The following PCDHGB2 variants were observed in gnomAD, a reference collection of about 807,000 sequenced individuals.
PCDHGB2 encodes protocadherin gamma subfamily B, 2, also known as protocadherin gamma-B2.
In PCDHGB2, 55 loss-of-function variants were observed where a neutral mutation model predicts 59.3. That is an observed-to-expected ratio of 0.93 (90% confidence interval 0.75 to 1.16). The LOEUF (loss-of-function observed/expected upper bound fraction) is 1.16, where lower values mean the gene tolerates loss of function less well. PCDHGB2 is among the 50% of genes most tolerant of loss of function. The pLI is 0.00. For synonymous variants in PCDHGB2, 516 were observed against 512.0 expected (o/e 1.01, Z -0.11); for missense variants, 1,228 against 1,198.5 (o/e 1.02, Z -0.36).
In PCDHGB2 at chr5:141,412,947, C is replaced by T. The variant is rs930035804; in HGVS notation, c.2421+50391C>T. On this transcript the variant is annotated intron_variant, in intron 1 of 3. Coordinates refer to ENST00000522605, the MANE Select transcript of PCDHGB2 (RefSeq NM_018923.3). ...AGTAACTTCTTAGGACTCTGAGCGC[C>T]GCTGTTCACCTACTAGGAGAGAAAA... is the stretch of plus-strand genomic sequence containing the variant. The T allele has an allele frequency of 2.3e-5, 11 of 475,008 alleles. No individual in the cohort carries two copies. The Middle Eastern group carries it at 2.2e-3, about 94-fold the overall frequency. 29.4% of individuals were successfully genotyped at this position (475,008 alleles called of 1,614,324 possible). A position where few individuals can be genotyped will look rare whatever the true frequency, so the allele number is the denominator to read the frequency against.
chr5:141,367,678 G>A (rs1215387701), intron 1 of PCDHGB2: 1 of 152,144 alleles, frequency 6.6e-6, no homozygotes, highest in Non-Finnish European at 1.5e-5. Context: ...GGCTTGTTGA[G>A]AGAAGAAATC....
intron 2 of PCDHGB2, among the ~76,000 whole-genome samples, chr5:141,501,530 G>A (rs556760554): frequency 3.5e-4 from 53 of 151,998 alleles, no homozygotes; most frequent in Admixed American, 2.2e-3. Context: ...AGCCCAGTAC[G>A]TTGTTGTGCA....
In PCDHGB2 at chr5:141,372,495, G is replaced by A. The variant is rs770848334; in HGVS notation, c.2421+9939G>A. On this transcript the variant is annotated intron_variant, in intron 1 of 3. Transcript: ENST00000522605. The stretch of plus-strand genomic sequence containing the variant: ...AGTAGTGGCGTTGGCCTTGATCTCA[G>A]TGCTCTTCCTCCTCGCGGTGATTCT... 2.0e-5 allele frequency: 32 copies of A among 1,613,936 alleles called. No individual in the cohort carries two copies. Among genetic ancestry groups the A allele is most frequent in the Non-Finnish European group, 2.6e-5 (31 of 1,179,902 alleles).
At chr5:141,424,982 G>T (rs2096852076) in intron 1 of PCDHGB2, among the ~76,000 whole-genome samples, 1 of 152,106 alleles carries the variant, frequency 6.6e-6, no homozygotes, top group South Asian at 2.1e-4. Context: ...GGATATTTAT[G>T]TTCCCTTTCA....
At chr5:141,371,417 T>C in intron 1 of PCDHGB2, 3 of 1,613,948 alleles carry the variant, frequency 1.9e-6, no homozygotes, top group Middle Eastern at 1.6e-4. Context: ...CAGATGAAAA[T>C]GACAATGCCC....
At chr5:141,455,984 G>A (rs1405675950) in intron 1 of PCDHGB2, among the ~76,000 whole-genome samples, 2 of 151,492 alleles carry the variant, frequency 1.3e-5, no homozygotes, top group East Asian at 1.9e-4. Context: ...TGCAAGCTCC[G>A]CCTCTCGGGT....
intron 1 of PCDHGB2, chr5:141,372,944 T>C: frequency 5.1e-6 from 4 of 788,876 alleles, no homozygotes; most frequent in Non-Finnish European, 7.7e-6. Context: ...GTAGGGTGTC[T>C]AGGAAATTCT....
chr5:141,360,825 C>T lies in PCDHGB2; in HGVS notation c.690C>T (p.Ile230=). The part of the protein sequence containing the change: ...PPQSGTTQIR[I]KVTDANDNPP... The stretch of plus-strand genomic sequence containing the variant: ...AAAGTGGCACGACCCAAATCCGAAT[C>T]AAAGTCACGGATGCCAACGATAACC... Residue 230 remains isoleucine, a synonymous_variant, in exon 1 of 4, where the codon ATC becomes ATT. Transcript: ENST00000522605. The T allele has an allele frequency of 6.2e-7, 1 of 1,613,960 alleles. No individual in the cohort carries two copies. Among genetic ancestry groups the T allele is most frequent in the South Asian group, 1.1e-5 (1 of 91,078 alleles).
chr5:141,484,897 A>G (rs2099602925), intron 1 of PCDHGB2: 2 of 392,698 alleles, frequency 5.1e-6, no homozygotes, highest in Middle Eastern at 7.1e-4. Flanking sequence ...TTTCCCCTCC[A>G]ATGCTGCGAC....
intron 1 of PCDHGB2, among the ~76,000 whole-genome samples, chr5:141,401,408 A>G (rs943963302): frequency 6.6e-6 from 1 of 152,200 alleles, no homozygotes; most frequent in Non-Finnish European, 1.5e-5. Flanking sequence ...TATGAGAGAG[A>G]AAGAGAGAGA....
chr5:141,421,597 AT>A (rs2096587022), intron 1 of PCDHGB2: 1 of 1,613,878 alleles, frequency 6.2e-7, no homozygotes, highest in Non-Finnish European at 8.5e-7. Flanking sequence ...GGAGGTGGAA[AT>A]AATAGATATT....
At chr5:141,413,804 C>G in intron 1 of PCDHGB2, 1 of 1,613,194 alleles carries the variant, frequency 6.2e-7, no homozygotes, top group Non-Finnish European at 8.5e-7. Context: ...GAGGAAGAGG[C>G]CATTCACCAC....
chr5:141,477,719 T>C lies in PCDHGB2; in HGVS notation c.2422-17088T>C. 6.2e-7 allele frequency: 1 copy of C among 1,613,876 alleles called. No individual in the cohort carries two copies. Among genetic ancestry groups the C allele is most frequent in the Non-Finnish European group, 8.5e-7 (1 of 1,180,028 alleles). ...CTATGAGGATCGGCGGGAATTTGAA[T>C]TAACAGCTCATATCAGCGATGGGGG... On this transcript the variant is annotated intron_variant, in intron 1 of 3. Transcript: ENST00000522605. The surrounding 1 kb of genome is among the most constrained non-coding windows in gnomAD (Gnocchi z 4.9).
chr5:141,360,849 C>T lies in PCDHGB2; in HGVS notation c.714C>T (p.Asn238=), dbSNP rs1761771921. ...TCAAAGTCACGGATGCCAACGATAA[C>T]CCTCCAGTGTTCAGCCAGGACGTGT... ...IRIKVTDAND[N]PPVFSQDVYR... is the part of the protein sequence containing the mutation. The change falls in exon 1 of 4, where the codon AAC becomes AAT. Residue 238 remains asparagine (N), a synonymous_variant. Coordinates refer to ENST00000522605, the MANE Select transcript of PCDHGB2 (RefSeq NM_018923.3). The T allele has an allele frequency of 1.2e-6, 2 of 1,613,872 alleles. No homozygotes were observed. Among genetic ancestry groups the T allele is most frequent in the African/African-American group, 2.7e-5 (2 of 74,914 alleles).
At chr5:141,443,759 A>G (rs1055796439) in intron 1 of PCDHGB2, among the ~76,000 whole-genome samples, 2 of 152,228 alleles carry the variant, frequency 1.3e-5, no homozygotes, top group African/African-American at 2.4e-5. Flanking sequence ...GAAGCTTACA[A>G]TATACAATAT....
At chr5:141,457,878 C>A (rs1263626843) in intron 1 of PCDHGB2, among the ~76,000 whole-genome samples, 1 of 152,190 alleles carries the variant, frequency 6.6e-6, no homozygotes, top group East Asian at 1.9e-4. Context: ...GGTTAGGAAC[C>A]CTGTGTGGGG....
chr5:141,434,870 C>G (rs1263324193), intron 1 of PCDHGB2, among the ~76,000 whole-genome samples: 3 of 151,726 alleles, frequency 2.0e-5, no homozygotes, highest in Non-Finnish European at 1.5e-5. Flanking sequence ...ATATATGTGA[C>G]AGATACCAAC....
chr5:141,371,047 G>A, intron 1 of PCDHGB2: 1 of 1,613,990 alleles, frequency 6.2e-7, no homozygotes. Flanking sequence ...GTGGATGGGG[G>A]CGAGCCCTCC....
intron 1 of PCDHGB2, among the ~76,000 whole-genome samples, chr5:141,448,001 G>A (rs143950707): frequency 0.046 from 7,030 of 151,928 alleles, 245 homozygotes; most frequent in African/African-American, 0.093. Context: ...CATGAGAATC[G>A]CTTGAACCCA....
Sources: gnomAD v4.1 joint callset for allele counts (sites outside exome capture counted in the v4.1 genomes callset) on GRCh38, gnomAD v4.1.1 for gene constraint, Gnocchi (gnomAD v3.1) non-coding constraint, MANE v1.5 for transcripts, NCBI Gene and HGNC (gene_info 2026-07-23, HGNC 2026-07-21) for gene names.